The following ABCC5 variants were observed in gnomAD, a reference collection of about 807,000 sequenced individuals.
The protein encoded by ABCC5 is ATP binding cassette subfamily C member 5.
ABCC5 carries 61 observed loss-of-function variants against 160.9 expected under a neutral mutation model. The observed-to-expected ratio is 0.38, with a 90% CI of 0.31 to 0.47. The LOEUF (loss-of-function observed/expected upper bound fraction) is 0.47. ABCC5 is among the 20% of genes least tolerant of loss of function. ABCC5 has a pLI of 0.99. For synonymous variants in ABCC5, 666 were observed against 700.6 expected (o/e 0.95, Z 0.78); for missense variants, 1,308 against 1,813.3 (o/e 0.72, Z 5.06).
chr3:184,001,389 T>C, intron 2 of ABCC5: 1 of 419,590 alleles, frequency 2.4e-6, no homozygotes, highest in Admixed American at 3.9e-5. Context: ...TCTTTTTTCG[T>C]ACTAAGTCTC....
At position 183,947,341 on chromosome 3, in the gene ABCC5, T is replaced by G; in HGVS notation, c.3397A>C (p.Ile1133Leu). The G allele has an allele frequency of 6.2e-7, 1 of 1,610,352 alleles. No homozygotes were observed. The highest frequency in any genetic ancestry group is 8.5e-7 in the Non-Finnish European group (1 of 1,178,058). Residue 1133 changes from isoleucine (I) to leucine (L), a missense_variant, in exon 23 of 30, where the codon ATC (isoleucine) becomes CTC (leucine). Physicochemically the swap from Ile to Leu is conservative, Grantham distance 5 (BLOSUM62 2). This residue lies in a region of ABCC5 where 1,142 missense variants were observed against 1,527.1 expected (regional missense o/e 0.75). Transcript: ENST00000334444. The stretch of plus-strand genomic sequence containing the variant: ...AGACTGACCTGGACAGCATAAGAGA[T>G]GGCGAGACCCGCATAGGCTGGGGGA... Reference protein sequence around the residue: ...QIPPAYAGLAISYAVQLTGLF... With the variant: ...QIPPAYAGLALSYAVQLTGLF...
intron 18 of ABCC5, among the ~76,000 whole-genome samples, chr3:183,952,816 T>C (rs973551727): frequency 6.6e-6 from 1 of 152,160 alleles, no homozygotes; most frequent in African/African-American, 2.4e-5. Context: ...TATTTCTCTG[T>C]AGCAGTGCAA....
intron 2 of ABCC5, among the ~76,000 whole-genome samples, 185 bp from the exon 3 acceptor site, chr3:183,989,568 T>C (rs1480808368): frequency 1.3e-5 from 2 of 149,504 alleles, no homozygotes; most frequent in African/African-American, 2.5e-5. Context: ...TTAAGCTAGA[T>C]ATTTAAAAAT....
intron 5 of ABCC5, chr3:183,985,053 G>T (rs552896775): frequency 7.4e-5 from 52 of 701,390 alleles, no homozygotes; most frequent in East Asian, 1.3e-4. Flanking sequence ...ACTTTCAAAG[G>T]GGGGGAAAAA....
chr3:183,993,439 G>A (rs2108880098), intron 2 of ABCC5, among the ~76,000 whole-genome samples: 1 of 146,334 alleles, frequency 6.8e-6, no homozygotes, highest in Admixed American at 6.9e-5. Flanking sequence ...AGTTAAGATT[G>A]TGCCACTGCA....
At chr3:183,956,982 C>A (rs1396106435) in intron 17 of ABCC5, among the ~76,000 whole-genome samples, 2 of 150,776 alleles carry the variant, frequency 1.3e-5, no homozygotes, top group Non-Finnish European at 3.0e-5. Flanking sequence ...ACATGCGGAT[C>A]CGTGTGTACA....
intron 17 of ABCC5, among the ~76,000 whole-genome samples, chr3:183,957,910 CCG>C (rs1716333558): frequency 1.3e-5 from 2 of 149,174 alleles, no homozygotes; most frequent in Non-Finnish European, 3.0e-5. Context: ...ACATGCGGAT[CCG>C]TGTGTATATC....
intron 2 of ABCC5, among the ~76,000 whole-genome samples, chr3:184,012,654 T>C (rs1417636381): frequency 6.6e-6 from 1 of 152,236 alleles, no homozygotes; most frequent in East Asian, 1.9e-4. Context: ...CAGACTTAAC[T>C]GTTACACTAA....
At chr3:183,967,373 C>G (rs997031317) in intron 12 of ABCC5, 5 of 324,108 alleles carry the variant, frequency 1.5e-5, no homozygotes. Context: ...GTCTGCTCAT[C>G]TCTTATCTCT....
Position 183,971,554 on chromosome 3 carries a change from A to G in ABCC5, c.1761+9T>C. 6.2e-7 allele frequency: 1 copy of G among 1,611,076 alleles called. No individual in the cohort carries two copies. Among genetic ancestry groups the G allele is most frequent in the African/African-American group, 1.3e-5 (1 of 74,886 alleles). ...GTGCGGGCAGGGAGGCAGGGGGCGGACCACTTACCTCTTGGATCTCCAGAT... is the reference window on the plus strand; with the variant it reads ...GTGCGGGCAGGGAGGCAGGGGGCGGGCCACTTACCTCTTGGATCTCCAGAT... On this transcript the variant is annotated intron_variant, in intron 11 of 29. Coordinates refer to ENST00000334444, the MANE Select transcript of ABCC5 (RefSeq NM_005688.4).
chr3:184,012,143 G>C (rs1464339183), intron 2 of ABCC5, among the ~76,000 whole-genome samples: 1 of 151,972 alleles, frequency 6.6e-6, no homozygotes, highest in African/African-American at 2.4e-5. Flanking sequence ...AGTTATGCAA[G>C]ATGTTACCAC....
At chr3:183,942,689 G>A (rs377105060) in intron 25 of ABCC5, 38 bp downstream of exon 25, 81 of 1,596,114 alleles carry the variant, frequency 5.1e-5, no homozygotes, top group Admixed American at 1.3e-4. Flanking sequence ...AAACTGCTAC[G>A]TTCCAATGGA....
At chr3:183,960,514 C>G (rs1242806865) in intron 16 of ABCC5, among the ~76,000 whole-genome samples, 1 of 152,158 alleles carries the variant, frequency 6.6e-6, no homozygotes, top group Admixed American at 6.5e-5. Flanking sequence ...CCCTCCCATT[C>G]GCCCTTAGAA....
chr3:183,997,314 T>C (rs991758482), intron 2 of ABCC5, among the ~76,000 whole-genome samples: 3 of 152,180 alleles, frequency 2.0e-5, no homozygotes, highest in South Asian at 2.1e-4. Flanking sequence ...CAATGATACA[T>C]GCATCTACCA....
intron 2 of ABCC5, among the ~76,000 whole-genome samples, chr3:183,996,369 C>T (rs1334674556): frequency 1.3e-5 from 2 of 152,146 alleles, no homozygotes; most frequent in African/African-American, 2.4e-5. Context: ...TTCTAAAATG[C>T]CTAGTGACAG....
In ABCC5 at chr3:183,921,482, C is replaced by T; in HGVS notation, c.4213-81G>A. The T allele has an allele frequency of 7.6e-7, 1 of 1,320,700 alleles. No homozygotes were observed. Among genetic ancestry groups the T allele is most frequent in the Non-Finnish European group, 1.0e-6 (1 of 971,792 alleles). The allele number at this position is 1,320,700 out of a possible 1,614,324, so 81.8% of individuals were successfully genotyped here. A position where few individuals can be genotyped will look rare whatever the true frequency, so the allele number is the denominator to read the frequency against. The stretch of plus-strand genomic sequence containing the variant: ...AGAGGATCCACGGCTCAGTAAGTGC[C>T]AGTGCCCTCTGAGGGTAGAATCTGG... On this transcript the variant is annotated intron_variant, in intron 29 of 29. Transcript: ENST00000334444. The surrounding 1 kb of genome is among the most constrained non-coding windows in gnomAD (Gnocchi z 4.1).
At chr3:183,947,232 C>G in intron 23 of ABCC5, 92 bp downstream of exon 23, 1 of 1,326,088 alleles carries the variant, frequency 7.5e-7, no homozygotes, top group Non-Finnish European at 1.0e-6. Flanking sequence ...AATAATGGCT[C>G]AGGGTGGAGC....
chr3:183,982,468 G>A lies in ABCC5; in HGVS notation c.982C>T (p.Leu328Phe). ...TTACTCACCATTGCTGGGTAAAAGAGGATAAAAACAGCTGATCCCAGGAAG... is the reference window on the plus strand; with the variant it reads ...TTACTCACCATTGCTGGGTAAAAGAAGATAAAAACAGCTGATCCCAGGAAG... ...TGFLGSAVFI[L>F]FYPAMMFASR... is the part of the protein sequence containing the mutation. The change falls in exon 7 of 30, where the codon CTC becomes TTC. Residue 328 changes from leucine to phenylalanine, a missense_variant. This residue lies in a region of ABCC5 where 1,142 missense variants were observed against 1,527.1 expected (regional missense o/e 0.75). Transcript: ENST00000334444. The surrounding 1 kb of genome is among the most constrained non-coding windows in gnomAD (Gnocchi z 5.2). 1 of 1,613,854 alleles carries A rather than the reference G, an allele frequency of 6.2e-7. No individual in the cohort carries two copies. Among genetic ancestry groups the A allele is most frequent in the Admixed American group, 1.7e-5 (1 of 60,006 alleles).
chr3:183,933,905 C>T lies in ABCC5; in HGVS notation c.3854+3996G>A, dbSNP rs566955698. ...CAATACTGGCTAATGGTGGTGGAGG[C>T]GCGGTTTCCAGATTCAGAGTCTCTA... On this transcript the variant is annotated intron_variant, in intron 26 of 29. Transcript: ENST00000334444. Among the ~76,000 whole-genome samples the T allele has an allele frequency of 5.9e-4, 90 of 152,246 alleles. 1 individual carries two copies. Among genetic ancestry groups the T allele is most frequent in the Admixed American group, 2.0e-3 (30 of 15,278 alleles).
Sources: allele counts gnomAD v4.1 joint callset (sites outside exome capture counted in the v4.1 genomes callset), GRCh38; gene constraint gnomAD v4.1.1; regional missense constraint gnomAD v4.1.1; non-coding constraint Gnocchi (gnomAD v3.1); transcripts MANE v1.5; gene names NCBI Gene and HGNC (gene_info 2026-07-23, HGNC 2026-07-21).